GNE: variants seen among roughly 807,000 people sequenced by gnomAD.
GNE encodes glucosamine (UDP-N-acetyl)-2-epimerase/N-acetylmannosamine kinase.
Under a neutral mutation model 61.8 loss-of-function variants are expected in GNE, and 41 were observed. The observed-to-expected ratio is 0.66, with a 90% CI of 0.52 to 0.86. The LOEUF is 0.86. Among genes scored for constraint, GNE ranks in the 40% least tolerant of loss-of-function variants. The pLI is 0.00. For synonymous variants in GNE, 264 were observed against 326.4 expected (o/e 0.81, Z 2.06); for missense variants, 608 against 909.1 (o/e 0.67, Z 4.26).
chr9:36,243,930 CTG>C (rs1473657275), intron 3 of GNE, among the ~76,000 whole-genome samples: 2 of 149,078 alleles, frequency 1.3e-5, no homozygotes, highest in Non-Finnish European at 3.0e-5. Flanking sequence ...CTTTTTCTTT[CTG>C]TGTTTTTTTT....
rs35224402 is a variant in GNE, at chr9:36,236,977, A to C, written c.624T>G (p.Asp208Glu). The C allele has an allele frequency of 7.0e-4, 1,119 of 1,609,878 alleles. 11 individuals are homozygous for C. The African/African-American group carries it at 0.013, about 19-fold the overall frequency. The change falls in exon 4 of 12, where the codon GAT becomes GAG. Residue 208 changes from aspartate to glutamate, a missense_variant. Transcript: ENST00000642385. ...CAACAATGTAATCTTTAGATTTTAC[A>C]TCATCACCTGTTTAAAGAAAATCAA... ...MSIIRMWLGD[D>E]VKSKDYIVAL...
At chr9:36,275,495 G>A (rs1339426187) in intron 1 of GNE, among the ~76,000 whole-genome samples, 1 of 152,156 alleles carries the variant, frequency 6.6e-6, no homozygotes, top group African/African-American at 2.4e-5. Flanking sequence ...ATAACTTAAA[G>A]GCCATATAGA....
At chr9:36,262,222 T>C (rs1248256524), upstream of GNE, among the ~76,000 whole-genome samples, 2 of 152,178 alleles carry the variant, frequency 1.3e-5, no homozygotes, top group Non-Finnish European at 2.9e-5. Context: ...ATAAATACCT[T>C]TAACGGTAGG....
rs77293300 is a variant in GNE at position 36,216,296 on chromosome 9, G to A, written c.*1069C>T. The A allele has an allele frequency of 2.3e-6, 1 of 444,300 alleles. No individual in the cohort carries two copies. The highest frequency in any genetic ancestry group is 2.2e-5 in the African/African-American group (1 of 45,914). 27.5% of individuals were successfully genotyped at this position (444,300 alleles called of 1,614,324 possible). On this transcript the variant is annotated 3_prime_UTR_variant, in exon 12 of 12. Coordinates refer to ENST00000642385, the MANE Select transcript of GNE (RefSeq NM_005476.7). ...CTGTTCTCTGACTGGATCACCTTCT[G>A]TGATCTTAGTTTGGGGTTAGAGGAG...
intron 1 of GNE, among the ~76,000 whole-genome samples, chr9:36,264,170 T>TC (rs1830693968): frequency 6.6e-6 from 1 of 152,084 alleles, no homozygotes; most frequent in African/African-American, 2.4e-5. Flanking sequence ...TCTCACTCTG[T>TC]CACCCAGGCT....
intron 9 of GNE, among the ~76,000 whole-genome samples, chr9:36,220,387 C>T (rs1204502972): frequency 6.6e-6 from 1 of 152,222 alleles, no homozygotes; most frequent in African/African-American, 2.4e-5. Flanking sequence ...CCTACTCAGC[C>T]ACGCAGGCAC....
chr9:36,236,797 G>C, intron 4 of GNE, 35 bp downstream of exon 4: 2 of 1,597,780 alleles, frequency 1.3e-6, no homozygotes, highest in Non-Finnish European at 1.7e-6. Flanking sequence ...ATTGGGAAAA[G>C]TAGGTGGCAT....
chr9:36,216,353 G>GTGTGTGTGTGTGTGTGTGTT lies in GNE; in HGVS notation c.*1011_*1012insAACACACACACACACACACA. The stretch of plus-strand genomic sequence containing the variant: ...TGTGTGTGTGTGTGTGTGTGTGTGT[G>GTGTGTGTGTGTGTGTGTGTT]TAGACGGAGTCTCGCTCTGTCACCC... On this transcript the variant is annotated 3_prime_UTR_variant, in exon 12 of 12. Transcript: ENST00000642385. The GTGTGTGTGTGTGTGTGTGTT allele has an allele frequency of 7.3e-6, 3 of 412,904 alleles. No individual in the cohort carries two copies. Among genetic ancestry groups the GTGTGTGTGTGTGTGTGTGTT allele is most frequent in the Non-Finnish European group, 1.5e-5 (3 of 197,436 alleles). 25.6% of individuals were successfully genotyped at this position (412,904 alleles called of 1,614,324 possible). A position where few individuals can be genotyped will look rare whatever the true frequency, so the allele number is the denominator to read the frequency against.
intron 3 of GNE, among the ~76,000 whole-genome samples, chr9:36,243,526 A>G (rs1027189769): frequency 3.3e-5 from 5 of 152,170 alleles, no homozygotes; most frequent in East Asian, 1.9e-4. Flanking sequence ...CTTGATAATT[A>G]CAAATCTGTC....
chr9:36,266,439 G>A (rs551764191), intron 1 of GNE, among the ~76,000 whole-genome samples: 2 of 152,326 alleles, frequency 1.3e-5, no homozygotes, highest in East Asian at 1.9e-4. Context: ...CATGGGGAAA[G>A]CAATTCTTTT....
At chr9:36,217,898 A>AT (rs1828404496) in intron 11 of GNE, among the ~76,000 whole-genome samples, 1 of 152,154 alleles carries the variant, frequency 6.6e-6, no homozygotes, top group African/African-American at 2.4e-5. Context: ...ACTAAGTGAT[A>AT]TTTTTTCTTA....
intron 4 of GNE, among the ~76,000 whole-genome samples, chr9:36,236,192 T>A (rs1829382400): frequency 6.6e-6 from 1 of 152,138 alleles, no homozygotes; most frequent in African/African-American, 2.4e-5. Context: ...TTTCTAGAGA[T>A]TCTTTCACTT....
chr9:36,258,935 A>T (rs1308717785), upstream of GNE, among the ~76,000 whole-genome samples: 2 of 152,192 alleles, frequency 1.3e-5, no homozygotes, highest in Non-Finnish European at 2.9e-5. Flanking sequence ...TGACCAAGGC[A>T]TGGCAGAGCC....
In GNE at chr9:36,234,017, G is replaced by A. The variant is rs1371243650; in HGVS notation, c.885C>T (p.Gly295=). ...DQFIQLVAHA[G]CMIGNSSCGV... The stretch of plus-strand genomic sequence containing the variant: ...CACAGCTGCTGTTCCCAATCATACA[G>A]CCAGCATGGGCAACCAACTGTATAA... Residue 295 remains glycine (G), a synonymous_variant, in exon 5 of 12, where the codon GGC becomes GGT. Coordinates refer to ENST00000642385, the MANE Select transcript of GNE (RefSeq NM_005476.7). The A allele has an allele frequency of 6.2e-7, 1 of 1,614,134 alleles. No homozygotes were observed. Among genetic ancestry groups the A allele is most frequent in the South Asian group, 1.1e-5 (1 of 91,092 alleles).
intron 9 of GNE, among the ~76,000 whole-genome samples, chr9:36,220,988 CTG>C (rs1828557952): frequency 1.3e-5 from 2 of 152,232 alleles, no homozygotes; most frequent in Admixed American, 6.5e-5. Flanking sequence ...TTTGCTAAAA[CTG>C]TGTCTGGAAC....
intron 1 of GNE, among the ~76,000 whole-genome samples, chr9:36,254,520 A>C (rs1830249676): frequency 6.6e-6 from 1 of 151,870 alleles, no homozygotes; most frequent in Non-Finnish European, 1.5e-5. Flanking sequence ...AGACTGAGCA[A>C]GACCCTATCT....
chr9:36,227,769 C>T (rs1311491571), intron 6 of GNE, among the ~76,000 whole-genome samples: 2 of 152,104 alleles, frequency 1.3e-5, no homozygotes, highest in African/African-American at 2.4e-5. Flanking sequence ...GGTGCAGTGG[C>T]TCATACCTGT....
intron 1 of GNE, among the ~76,000 whole-genome samples, chr9:36,274,566 C>T (rs1023352665): frequency 5.9e-5 from 9 of 152,244 alleles, no homozygotes; most frequent in Middle Eastern, 3.4e-3. Flanking sequence ...CCTGGGCTTG[C>T]AAGACACCTG....
chr9:36,265,176 C>T (rs1830734616), intron 1 of GNE: 1 of 323,484 alleles, frequency 3.1e-6, no homozygotes, highest in Admixed American at 3.8e-5. Flanking sequence ...CTGGGTTCGT[C>T]CTAATTGAGA....
Sources: gnomAD v4.1 joint callset for allele counts (sites outside exome capture counted in the v4.1 genomes callset) on GRCh38, gnomAD v4.1.1 for gene constraint, MANE v1.5 for transcripts, NCBI Gene and HGNC (gene_info 2026-07-23, HGNC 2026-07-21) for gene names.